The following FGF14 variants were observed in gnomAD, a reference collection of about 807,000 sequenced individuals.
FGF14 encodes the protein fibroblast growth factor homologous factor 4.
FGF14 carries 5 observed loss-of-function variants against 25.5 expected under a neutral mutation model. The observed-to-expected ratio is 0.20, with a 90% CI of 0.10 to 0.41. The LOEUF is 0.41. FGF14 is among the 10% of genes least tolerant of loss of function. FGF14 has a pLI of 1.00. For missense variants in FGF14, 222 were observed against 320.1 expected (o/e 0.69, Z 2.34); for synonymous variants, 138 against 118.3 (o/e 1.17, Z -1.08).
chr13:102,000,828 G>A (rs151014179), intron 1 of FGF14, among the ~76,000 whole-genome samples: 2 of 152,330 alleles, frequency 1.3e-5, no homozygotes, highest in East Asian at 3.9e-4. Context: ...CAATTTGGCT[G>A]TGATAGAAAA....
intron 1 of FGF14, among the ~76,000 whole-genome samples, chr13:102,165,918 TAA>T (rs564718246): frequency 6.7e-6 from 1 of 148,500 alleles, no homozygotes; most frequent in African/African-American, 2.5e-5. Context: ...TCTTTTCCTT[TAA>T]AAAAAAAATG....
At chr13:101,795,471 C>A (rs544600406) in intron 3 of FGF14, among the ~76,000 whole-genome samples, 1 of 152,138 alleles carries the variant, frequency 6.6e-6, no homozygotes, top group South Asian at 2.1e-4. Flanking sequence ...GAAATTAAAT[C>A]CCCTGAATCT....
In FGF14 at chr13:101,719,538, A is replaced by AAAG. The variant is rs1301334131; in HGVS notation, c.*3290_*3292dup. 1 of 152,246 alleles carries AAAG rather than the reference A, an allele frequency of 6.6e-6. No individual in the cohort carries two copies. Among genetic ancestry groups the AAAG allele is most frequent in the East Asian group, 1.9e-4 (1 of 5,168 alleles). 9.4% of individuals were successfully genotyped at this position (152,246 alleles called of 1,614,324 possible). The stretch of plus-strand genomic sequence containing the variant: ...CATGTCTTCTCTAATTTTTCCAAGT[A>AAAG]AAGTGGTAGCAAAATGTTTTAAAAA... On this transcript the variant is annotated 3_prime_UTR_variant, in exon 5 of 5. Transcript: ENST00000376143.
At chr13:102,251,139 TG>T (rs2052150061) in intron 1 of FGF14, among the ~76,000 whole-genome samples, 1 of 152,220 alleles carries the variant, frequency 6.6e-6, no homozygotes, top group African/African-American at 2.4e-5. Context: ...TCATTATATT[TG>T]ATGAATTCAT....
intron 1 of FGF14, among the ~76,000 whole-genome samples, chr13:102,008,336 C>T (rs1481223190): frequency 6.6e-6 from 1 of 152,200 alleles, no homozygotes; most frequent in African/African-American, 2.4e-5. Flanking sequence ...AAAGACCTCT[C>T]CAAGTCACTC....
intron 1 of FGF14, among the ~76,000 whole-genome samples, chr13:102,297,216 A>C (rs570772419): frequency 6.6e-6 from 1 of 152,144 alleles, no homozygotes; most frequent in African/African-American, 2.4e-5. Context: ...GACAAATTCA[A>C]ATTGAAGAAC....
At chr13:101,856,477 T>A (rs1317531377) in intron 3 of FGF14, among the ~76,000 whole-genome samples, 2 of 151,886 alleles carry the variant, frequency 1.3e-5, no homozygotes, top group Non-Finnish European at 2.9e-5. Flanking sequence ...GATAACAATT[T>A]ATGATTATAA....
chr13:102,379,444 G>A (rs1595002671), intron 1 of FGF14, among the ~76,000 whole-genome samples: 3 of 151,262 alleles, frequency 2.0e-5, no homozygotes, highest in Admixed American at 2.0e-4. Context: ...TTATATATAT[G>A]TGTATGTATA....
intron 1 of FGF14, among the ~76,000 whole-genome samples, chr13:102,178,597 G>A (rs1259844462): frequency 6.6e-6 from 1 of 151,946 alleles, no homozygotes; most frequent in Non-Finnish European, 1.5e-5. Flanking sequence ...ATGTCCACGT[G>A]TACACGTTAT....
intron 1 of FGF14, among the ~76,000 whole-genome samples, chr13:102,271,545 G>A (rs1423246427): frequency 6.6e-6 from 1 of 152,146 alleles, no homozygotes; most frequent in Non-Finnish European, 1.5e-5. Context: ...CTTTTGGAAA[G>A]CCCCAGATGA....
chr13:102,101,070 G>A (rs1186191523), intron 1 of FGF14, among the ~76,000 whole-genome samples: 1 of 151,536 alleles, frequency 6.6e-6, no homozygotes, highest in Non-Finnish European at 1.5e-5. Flanking sequence ...TTGTACTCCA[G>A]CCTGGGTGAC....
intron 1 of FGF14, among the ~76,000 whole-genome samples, chr13:102,161,583 G>A (rs1454289978): frequency 4.1e-4 from 1 of 2,440 alleles, no homozygotes; most frequent in Non-Finnish European, 5.9e-4. Context: ...GAAAGAAGAA[G>A]AAGAAGAAGA....
intron 1 of FGF14, among the ~76,000 whole-genome samples, chr13:102,026,142 T>C (rs1002381302): frequency 1.3e-5 from 2 of 151,982 alleles, no homozygotes; most frequent in Non-Finnish European, 2.9e-5. Flanking sequence ...TGAGATTTCA[T>C]TGTGAAAAGG....
intron 1 of FGF14, among the ~76,000 whole-genome samples, chr13:102,311,092 A>G (rs2055741744): frequency 6.6e-6 from 1 of 152,162 alleles, no homozygotes; most frequent in Non-Finnish European, 1.5e-5. Context: ...TAACTAGGCT[A>G]GACTGCTCCG....
At chr13:101,731,637 CAAAG>C (rs1307324088) in intron 3 of FGF14, among the ~76,000 whole-genome samples, 1 of 152,076 alleles carries the variant, frequency 6.6e-6, no homozygotes, top group Admixed American at 6.6e-5. Flanking sequence ...TTTGCTTGTA[CAAAG>C]AGAGACTTCT....
At chr13:102,190,135 AC>A (rs1346386598) in intron 1 of FGF14, among the ~76,000 whole-genome samples, 3 of 152,118 alleles carry the variant, frequency 2.0e-5, no homozygotes, top group Non-Finnish European at 2.9e-5. Flanking sequence ...CACAACCCAA[AC>A]AAAAAACAGA....
chr13:101,917,638 C>A (rs1397256915), upstream of FGF14, among the ~76,000 whole-genome samples: 1 of 152,038 alleles, frequency 6.6e-6, no homozygotes, highest in African/African-American at 2.4e-5. Context: ...CGTCGCCACC[C>A]CCAACCCCGG....
At chr13:102,255,507 A>G (rs1404544142) in intron 1 of FGF14, among the ~76,000 whole-genome samples, 1 of 152,220 alleles carries the variant, frequency 6.6e-6, no homozygotes, top group Non-Finnish European at 1.5e-5. Flanking sequence ...TCAGGAAAGA[A>G]AAGAGGCTGT....
upstream of FGF14, chr13:102,401,778 G>A (rs2058707803): frequency 2.0e-6 from 2 of 1,022,170 alleles, no homozygotes; most frequent in Non-Finnish European, 3.0e-6. Flanking sequence ...CGGCCAGGGT[G>A]AATGATTTAT....
Sources: gnomAD v4.1 joint callset for allele counts (sites outside exome capture counted in the v4.1 genomes callset) on GRCh38, gnomAD v4.1.1 for gene constraint, MANE v1.5 for transcripts, NCBI Gene and HGNC (gene_info 2026-07-23, HGNC 2026-07-21) for gene names.